The following ZNF804A variants were observed in gnomAD, a reference collection of about 807,000 sequenced individuals.
ZNF804A encodes zinc finger protein 804A.
Under a neutral mutation model 16.5 loss-of-function variants are expected in ZNF804A, and 2 were observed. The ratio of observed to expected loss-of-function variants is 0.12; its 90% confidence interval spans 0.05 to 0.38. The LOEUF (loss-of-function observed/expected upper bound fraction) is 0.38, where lower values mean the gene tolerates loss of function less well. Among genes scored for constraint, ZNF804A ranks in the 10% least tolerant of loss-of-function variants. The pLI is 0.99. For missense variants in ZNF804A, 1,473 were observed against 1,390.7 expected (o/e 1.06, Z -0.94); for synonymous variants, 534 against 489.6 (o/e 1.09, Z -1.20).
chr2:184,635,099 CT>C (rs1464123386), intron 1 of ZNF804A, among the ~76,000 whole-genome samples: 3 of 152,036 alleles, frequency 2.0e-5, no homozygotes, highest in Non-Finnish European at 4.4e-5. Context: ...GGATATTATT[CT>C]TTTGGAAAGT....
intron 2 of ZNF804A, among the ~76,000 whole-genome samples, chr2:184,933,248 C>T (rs1005496667): frequency 6.6e-6 from 1 of 151,690 alleles, no homozygotes; most frequent in Non-Finnish European, 1.5e-5. Flanking sequence ...AATACATAAG[C>T]AATAAGCAAG....
chr2:184,770,955 C>G (rs758925013), intron 1 of ZNF804A, among the ~76,000 whole-genome samples: 1 of 151,818 alleles, frequency 6.6e-6, no homozygotes, highest in Non-Finnish European at 1.5e-5. Context: ...AAGACAGATA[C>G]GTAAATAAGA....
At chr2:184,761,010 C>T (rs1694030348) in intron 1 of ZNF804A, among the ~76,000 whole-genome samples, 2 of 152,058 alleles carry the variant, frequency 1.3e-5, no homozygotes, top group Non-Finnish European at 2.9e-5. Context: ...ATAACTAAAA[C>T]TACATTTTTA....
chr2:184,705,102 G>T (rs1190687868), intron 1 of ZNF804A, among the ~76,000 whole-genome samples: 1 of 152,194 alleles, frequency 6.6e-6, no homozygotes, highest in African/African-American at 2.4e-5. Flanking sequence ...CCTAAGCAGA[G>T]ATGAGACTGG....
At chr2:184,633,719 T>C (rs955178027) in intron 1 of ZNF804A, among the ~76,000 whole-genome samples, 2 of 152,170 alleles carry the variant, frequency 1.3e-5, no homozygotes, top group African/African-American at 4.8e-5. Context: ...AGCGTTTTTG[T>C]AAACATAAAA....
At chr2:184,745,400 AAAG>A (rs1431775478) in intron 1 of ZNF804A, among the ~76,000 whole-genome samples, 2 of 151,780 alleles carry the variant, frequency 1.3e-5, no homozygotes, top group African/African-American at 4.8e-5. Context: ...ATTCAGTATT[AAAG>A]ATCAATTAGG....
At chr2:184,931,555 G>C (rs1454935058) in intron 2 of ZNF804A, among the ~76,000 whole-genome samples, 1 of 152,148 alleles carries the variant, frequency 6.6e-6, no homozygotes, top group African/African-American at 2.4e-5. Context: ...TCCTGAGACT[G>C]CACAAAGTGG....
intron 1 of ZNF804A, among the ~76,000 whole-genome samples, chr2:184,764,027 C>T (rs1398134189): frequency 2.0e-5 from 3 of 151,996 alleles, no homozygotes; most frequent in African/African-American, 7.2e-5. Context: ...ACTTATTATT[C>T]ACTACTTTGA....
At chr2:184,621,958 G>A (rs577098412) in intron 1 of ZNF804A, among the ~76,000 whole-genome samples, 1 of 151,826 alleles carries the variant, frequency 6.6e-6, no homozygotes, top group South Asian at 2.1e-4. Context: ...CCTGAGTTTG[G>A]TTTTTGATGT....
chr2:184,938,626 C>T lies in ZNF804A; in HGVS notation c.3230C>T (p.Pro1077Leu). The part of the protein sequence containing the change: ...FTFPPAALPP[P>L]STPLQPLPLQ... Reference sequence around the variant, plus strand: ...TTTCCTCCAGCTGCCCTCCCACCCCCTAGCACACCTCTGCAGCCTTTGCCT... The same window carrying T: ...TTTCCTCCAGCTGCCCTCCCACCCCTTAGCACACCTCTGCAGCCTTTGCCT... Residue 1077 changes from proline to leucine, a missense_variant, in exon 4 of 4, where the codon CCT becomes CTT. Transcript: ENST00000302277. The T allele has an allele frequency of 6.2e-7, 1 of 1,613,946 alleles. No individual in the cohort carries two copies. The highest frequency in any genetic ancestry group is 8.5e-7 in the Non-Finnish European group (1 of 1,179,916).
At chr2:184,621,050 A>G (rs1183816434) in intron 1 of ZNF804A, among the ~76,000 whole-genome samples, 1 of 151,618 alleles carries the variant, frequency 6.6e-6, no homozygotes, top group South Asian at 2.1e-4. Flanking sequence ...ACGAACATAA[A>G]CAAACATTCA....
chr2:184,872,135 T>C (rs1215093494), intron 2 of ZNF804A, among the ~76,000 whole-genome samples: 1 of 152,178 alleles, frequency 6.6e-6, no homozygotes, highest in East Asian at 1.9e-4. Flanking sequence ...TTGGCATTTA[T>C]TTCATAAAAT....
chr2:184,685,465 T>TAA lies in ZNF804A; in HGVS notation c.111+86395_111+86396insAA, dbSNP rs1464560483. Among the ~76,000 whole-genome samples the TAA allele has an allele frequency of 4.6e-5, 7 of 152,092 alleles. 1 individual carries two copies. In the East Asian group the frequency reaches 9.7e-4, roughly 21 times the overall value. Reference sequence around the variant, plus strand: ...GTGTTACAGCTCTTTCAGTCCCCCCTTTTGTAGGGTCCTGAGTTCTTGGCC... The same window carrying TAA: ...GTGTTACAGCTCTTTCAGTCCCCCCTAATTTGTAGGGTCCTGAGTTCTTGGCC... On this transcript the variant is annotated intron_variant, in intron 1 of 3. Transcript: ENST00000302277.
chr2:184,766,395 C>CATAG (rs1474275857), intron 1 of ZNF804A, among the ~76,000 whole-genome samples: 3 of 151,868 alleles, frequency 2.0e-5, no homozygotes, highest in Non-Finnish European at 4.4e-5. Flanking sequence ...GATAAACAAT[C>CATAG]ATAGATATAC....
At chr2:184,642,334 T>C (rs1691807517) in intron 1 of ZNF804A, among the ~76,000 whole-genome samples, 1 of 152,122 alleles carries the variant, frequency 6.6e-6, no homozygotes, top group South Asian at 2.1e-4. Context: ...CCATTTCTAC[T>C]CTCCATTCAT....
At chr2:184,816,925 A>C (rs2105789156) in intron 1 of ZNF804A, among the ~76,000 whole-genome samples, 1 of 152,120 alleles carries the variant, frequency 6.6e-6, no homozygotes, top group Non-Finnish European at 1.5e-5. Context: ...TAAAATTTTA[A>C]ATGAAGTTTA....
intron 2 of ZNF804A, among the ~76,000 whole-genome samples, chr2:184,891,400 G>T (rs1277576674): frequency 1.3e-5 from 2 of 152,016 alleles, no homozygotes; most frequent in African/African-American, 4.8e-5. Flanking sequence ...TACCAATGTT[G>T]GCAGGGTGCT....
chr2:184,796,536 A>G (rs764417710), intron 1 of ZNF804A, among the ~76,000 whole-genome samples: 4 of 151,296 alleles, frequency 2.6e-5, no homozygotes, highest in Non-Finnish European at 5.9e-5. Flanking sequence ...GTGGCCTTGA[A>G]TGATCTTTTT....
chr2:184,783,328 T>C (rs562760990), intron 1 of ZNF804A, among the ~76,000 whole-genome samples: 1 of 151,656 alleles, frequency 6.6e-6, no homozygotes, highest in South Asian at 2.1e-4. Flanking sequence ...CAAGTTTTTA[T>C]TATAAACTAG....
Sources: gnomAD v4.1 joint callset for allele counts (sites outside exome capture counted in the v4.1 genomes callset) on GRCh38, gnomAD v4.1.1 for gene constraint, MANE v1.5 for transcripts, NCBI Gene and HGNC (gene_info 2026-07-23, HGNC 2026-07-21) for gene names.